Variants in IQGAP1 observed in about 807,000 individuals in gnomAD.
The protein encoded by IQGAP1 is IQ motif containing GTPase activating protein 1, also known as ras GTPase-activating-like protein IQGAP1.
In IQGAP1, 66 loss-of-function variants were observed where a neutral mutation model predicts 215.6. The ratio of observed to expected loss-of-function variants is 0.31; its 90% CI spans 0.25 to 0.38. The LOEUF (loss-of-function observed/expected upper bound fraction) is 0.38. Ranked by LOEUF, IQGAP1 falls within the 10% of genes least tolerant of loss-of-function variation. The pLI is 1.00. For missense variants in IQGAP1, 1,712 were observed against 1,997.1 expected, an observed-to-expected ratio of 0.86 and a Z score of 2.72; for synonymous variants, 772 against 728.7, an observed-to-expected ratio of 1.06 and a Z score of -0.96.
chr15:90,454,929 C>G (rs951796258), intron 14 of IQGAP1, among the ~76,000 whole-genome samples: 2 of 152,232 alleles, frequency 1.3e-5, no homozygotes, highest in Non-Finnish European at 2.9e-5. Flanking sequence ...GGCCACTGTA[C>G]TTCTGAACAA....
At chr15:90,469,943 A>G (rs78764992) in intron 18 of IQGAP1, among the ~76,000 whole-genome samples, 5,394 of 152,248 alleles carry the variant, frequency 0.035, 291 homozygotes, top group African/African-American at 0.12. Context: ...TTGAAGCTTG[A>G]GGGCCTAATG....
chr15:90,491,294 G>T, intron 33 of IQGAP1, 39 bp from the exon 34 acceptor site: 1 of 1,535,286 alleles, frequency 6.5e-7, no homozygotes, highest in Non-Finnish European at 9.0e-7. Context: ...TAGGATTAGT[G>T]TGGTAAACTT....
intron 25 of IQGAP1, 96 bp from the exon 26 acceptor site, chr15:90,477,569 G>C: frequency 4.4e-6 from 4 of 910,656 alleles, no homozygotes; most frequent in Non-Finnish European, 7.0e-6. Context: ...TGTTTCGAGA[G>C]AAACTGTTTC....
intron 2 of IQGAP1, chr15:90,393,665 C>G (rs1475127389): frequency 1.3e-5 from 2 of 152,132 alleles, no homozygotes; most frequent in Non-Finnish European, 2.9e-5. Flanking sequence ...ACACTTCATC[C>G]TATTTCTTCA....
At chr15:90,482,794 C>T (rs1966077652) in intron 28 of IQGAP1, 3 of 831,374 alleles carry the variant, frequency 3.6e-6, no homozygotes, top group East Asian at 1.1e-4. Flanking sequence ...AGGGGAAATG[C>T]TGTGACTGCC....
chr15:90,416,716 T>G (rs1965055649), intron 2 of IQGAP1, among the ~76,000 whole-genome samples: 1 of 152,088 alleles, frequency 6.6e-6, no homozygotes, highest in African/African-American at 2.4e-5. Context: ...TAGCTGGGAT[T>G]ACAGGTGCCC....
intron 35 of IQGAP1, among the ~76,000 whole-genome samples, chr15:90,493,357 A>C (rs1966231763): frequency 6.6e-6 from 1 of 152,116 alleles, no homozygotes; most frequent in African/African-American, 2.4e-5. Context: ...TCCTCTCTAT[A>C]CTTCCTGGGG....
intron 15 of IQGAP1, among the ~76,000 whole-genome samples, chr15:90,465,043 C>A (rs140555379): frequency 6.6e-6 from 1 of 152,204 alleles, no homozygotes; most frequent in Admixed American, 6.5e-5. Flanking sequence ...ATAGTCAACT[C>A]AGACTATGCT....
intron 2 of IQGAP1, among the ~76,000 whole-genome samples, chr15:90,405,628 T>C (rs184729612): frequency 1.3e-4 from 20 of 152,304 alleles, no homozygotes; most frequent in Admixed American, 1.2e-3. Context: ...CCAAATATTA[T>C]TCAAGTGGCA....
At chr15:90,480,369 G>T (rs1047072578) in intron 26 of IQGAP1, among the ~76,000 whole-genome samples, 2 of 152,056 alleles carry the variant, frequency 1.3e-5, no homozygotes, top group Non-Finnish European at 2.9e-5. Flanking sequence ...CACCATACAC[G>T]TAGCAAACTG....
chr15:90,439,241 C>G, intron 5 of IQGAP1, 91 bp from the exon 6 acceptor site: 4 of 849,870 alleles, frequency 4.7e-6, no homozygotes, highest in South Asian at 1.5e-5. Flanking sequence ...CAGAATACTT[C>G]TATTTTATAC....
intron 14 of IQGAP1, among the ~76,000 whole-genome samples, chr15:90,455,494 G>T (rs375611796): frequency 7.1e-4 from 108 of 152,108 alleles, no homozygotes; most frequent in Non-Finnish European, 1.6e-4. Flanking sequence ...GGTCTTAGAC[G>T]CTCCCCCAGA....
chr15:90,479,701 G>T (rs1222109280), intron 26 of IQGAP1, among the ~76,000 whole-genome samples: 1 of 152,058 alleles, frequency 6.6e-6, no homozygotes, highest in Non-Finnish European at 1.5e-5. Flanking sequence ...TGCCTTGATG[G>T]CGCCACTGCA....
intron 1 of IQGAP1, among the ~76,000 whole-genome samples, chr15:90,388,830 A>G (rs780464969): frequency 2.0e-5 from 3 of 152,202 alleles, no homozygotes; most frequent in Non-Finnish European, 1.5e-5. Context: ...GGGATAGACC[A>G]GGGTCCAGAC....
At chr15:90,397,699 G>T (rs1964743291) in intron 2 of IQGAP1, 1 of 150,770 alleles carries the variant, frequency 6.6e-6, no homozygotes, top group African/African-American at 2.4e-5. Context: ...TACATTTTTA[G>T]TAGAGATGGG....
chr15:90,401,544 T>G (rs1330057901), intron 2 of IQGAP1, among the ~76,000 whole-genome samples: 1 of 152,214 alleles, frequency 6.6e-6, no homozygotes, highest in South Asian at 2.1e-4. Context: ...CCTCTCCCCC[T>G]CTTCCTCATT....
At position 90,449,547 on chromosome 15, in the gene IQGAP1, T is replaced by G; in HGVS notation, c.1078-12T>G. On this transcript the variant is annotated splice_polypyrimidine_tract_variant and intron_variant, in intron 10 of 37. Coordinates refer to ENST00000268182, the MANE Select transcript of IQGAP1 (RefSeq NM_003870.4). ...TGAGTAATCTTTACATAATTTTCTT[T>G]GCTTTGCTCAGAGTGGTCAGACTGA... The G allele has an allele frequency of 6.2e-7, 1 of 1,606,596 alleles. No homozygotes were observed. The highest frequency in any genetic ancestry group is 8.5e-7 in the Non-Finnish European group (1 of 1,176,252).
chr15:90,487,185 C>T (rs1385547144), intron 32 of IQGAP1, 96 bp downstream of exon 32: 1 of 1,199,774 alleles, frequency 8.3e-7, no homozygotes, highest in African/African-American at 1.5e-5. Flanking sequence ...AAATGACCAT[C>T]CTGACCTCTC....
intron 4 of IQGAP1, among the ~76,000 whole-genome samples, chr15:90,430,198 C>T (rs1328251695): frequency 1.3e-5 from 2 of 152,044 alleles, no homozygotes; most frequent in African/African-American, 4.8e-5. Context: ...GTGTTCTGCT[C>T]AGGAGTTTAT....
Sources: gnomAD v4.1 joint callset for allele counts (sites outside exome capture counted in the v4.1 genomes callset) on GRCh38, gnomAD v4.1.1 for gene constraint, MANE v1.5 for transcripts, NCBI Gene and HGNC (gene_info 2026-07-23, HGNC 2026-07-21) for gene names.